Variants in BICRA observed in about 807,000 individuals in gnomAD.
BICRA encodes BRD4-interacting chromatin-remodeling complex-associated protein.
In BICRA, 31 loss-of-function variants were observed where a neutral mutation model predicts 96.9. The observed-to-expected ratio is 0.32, with a 90% CI of 0.24 to 0.43. BICRA has a LOEUF of 0.43. BICRA is among the 20% of genes least tolerant of loss of function. BICRA has a pLI of 1.00. For missense variants in BICRA, 2,283 were observed against 2,190.3 expected (o/e 1.04, Z -0.84); for synonymous variants, 1,350 against 1,071.8 (o/e 1.26, Z -5.07).
intron 5 of BICRA, among the ~76,000 whole-genome samples, chr19:47,676,624 C>G (rs1378313212): frequency 6.9e-6 from 1 of 145,894 alleles, no homozygotes; most frequent in Non-Finnish European, 1.5e-5. Context: ...CCCGCCTTCC[C>G]TCTTCATCAT....
At chr19:47,630,991 G>A (rs1972214043) in intron 1 of BICRA, among the ~76,000 whole-genome samples, 1 of 152,124 alleles carries the variant, frequency 6.6e-6, no homozygotes, top group Admixed American at 6.5e-5. Flanking sequence ...GTTGGGACTC[G>A]ACATATTTCA....
chr19:47,650,625 T>TG (rs1972527128), intron 1 of BICRA, among the ~76,000 whole-genome samples: 1 of 152,208 alleles, frequency 6.6e-6, no homozygotes, highest in Non-Finnish European at 1.5e-5. Context: ...TAAAAGGTGT[T>TG]GCTCTGAGAG....
In BICRA at chr19:47,698,904, T is replaced by C; in HGVS notation, c.3398-61T>C. 2 of 1,396,244 alleles carry C rather than the reference T, an allele frequency of 1.4e-6. No individual in the cohort carries two copies. Among genetic ancestry groups the C allele is most frequent in the South Asian group, 1.2e-5 (1 of 81,498 alleles). The allele number at this position is 1,396,244 out of a possible 1,614,324, so 86.5% of individuals were successfully genotyped here. A position where few individuals can be genotyped will look rare whatever the true frequency, so the allele number is the denominator to read the frequency against. ...TATGCTGACCCTGCCCCGCCCTCCT[T>C]CCTGCGCATCCGCGGCCGCCCCCAA... On this transcript the variant is annotated intron_variant, in intron 12 of 14. Coordinates refer to ENST00000594866, the MANE Select transcript of BICRA (RefSeq NM_001394372.1). This position sits in a 1 kb window ranked among gnomAD's most constrained non-coding sequence, Gnocchi z 4.8.
At chr19:47,649,102 C>T (rs777280658) in intron 1 of BICRA, among the ~76,000 whole-genome samples, 8 of 152,164 alleles carry the variant, frequency 5.3e-5, no homozygotes, top group Non-Finnish European at 1.0e-4. Context: ...CTGCCTGCCT[C>T]GGCATCCCAA....
chr19:47,639,489 A>C (rs11881441), intron 1 of BICRA, among the ~76,000 whole-genome samples: 110,504 of 151,392 alleles, frequency 0.73, 40,772 homozygotes, highest in African/African-American at 0.83. Context: ...ACTACACACC[A>C]GGCTAATTTT....
chr19:47,680,121 C>A lies in BICRA; in HGVS notation c.951C>A (p.Thr317=). ...GCGCGGGGGCCGCCTCGGCTCCCAC[C>A]GGGACGCCCTCGGGACAGCCGCTGG... ...FGGAGAASAP[T]GTPSGQPLAV... The change falls in exon 6 of 15, where the codon ACC becomes ACA. Residue 317 remains threonine (T), a synonymous_variant. Coordinates refer to ENST00000594866, the MANE Select transcript of BICRA (RefSeq NM_001394372.1). The A allele has an allele frequency of 6.5e-7, 1 of 1,532,202 alleles. No homozygotes were observed. The allele number at this position is 1,532,202 out of a possible 1,614,324, so 94.9% of individuals were successfully genotyped here.
At chr19:47,696,899 G>T (rs532117888) in intron 11 of BICRA, among the ~76,000 whole-genome samples, 34 of 152,064 alleles carry the variant, frequency 2.2e-4, no homozygotes, top group African/African-American at 7.5e-4. Context: ...GATGGGGGGG[G>T]TGTTTGGGGA....
chr19:47,638,874 C>T (rs761791762), intron 1 of BICRA, among the ~76,000 whole-genome samples: 5 of 152,042 alleles, frequency 3.3e-5, no homozygotes, highest in East Asian at 1.9e-4. Flanking sequence ...AGGCTGGTCT[C>T]GAACTCCTGA....
At chr19:47,655,660 C>T (rs998339000) in intron 1 of BICRA, among the ~76,000 whole-genome samples, 3 of 150,986 alleles carry the variant, frequency 2.0e-5, no homozygotes, top group African/African-American at 7.3e-5. Flanking sequence ...CGAGACCAGC[C>T]TGGCCAACAC....
rs538392136 is a variant in BICRA at position 47,684,287 on chromosome 19, A to G, written c.2283+2135A>G. ...AATCTCCACCTCCTGGGTTCAAGTG[A>G]TTCTCCTGCCTCAGCTTCTGGGTAG... On this transcript the variant is annotated intron_variant, in intron 7 of 14. Coordinates refer to ENST00000594866, the MANE Select transcript of BICRA (RefSeq NM_001394372.1). Among the ~76,000 whole-genome samples, 3 of 152,206 alleles carry G rather than the reference A, an allele frequency of 2.0e-5. No individual in the cohort carries two copies. The South Asian group carries it at 6.2e-4, about 32-fold the overall frequency.
Position 47,693,998 on chromosome 19 carries a change from T to C in BICRA, c.2284-117T>C, listed in dbSNP as rs1973281703. On this transcript the variant is annotated intron_variant, in intron 7 of 14. Transcript: ENST00000594866. ...GTGGGCTCCTCTCTCAGGATGGGTGTGGGCTAGGAAGGGGGCTTCTGGCGG... is the reference window on the plus strand; with the variant it reads ...GTGGGCTCCTCTCTCAGGATGGGTGCGGGCTAGGAAGGGGGCTTCTGGCGG... The C allele has an allele frequency of 5.6e-6, 7 of 1,246,336 alleles. No individual in the cohort carries two copies. In the South Asian group the frequency reaches 1.1e-4, roughly 20 times the overall value. The allele number at this position is 1,246,336 out of a possible 1,614,324, so 77.2% of individuals were successfully genotyped here.
At chr19:47,681,667 C>T (rs1176150793) in intron 6 of BICRA, among the ~76,000 whole-genome samples, 1 of 152,098 alleles carries the variant, frequency 6.6e-6, no homozygotes, top group African/African-American at 2.4e-5. Flanking sequence ...AGGGCAGGCA[C>T]TGGCTGGCCT....
chr19:47,692,268 C>G (rs554586929), intron 7 of BICRA, among the ~76,000 whole-genome samples: 1 of 151,982 alleles, frequency 6.6e-6, no homozygotes, highest in African/African-American at 2.4e-5. Context: ...ACTCTTGTGC[C>G]CAGGCTGGAG....
At chr19:47,659,859 C>T (rs1274192586) in intron 1 of BICRA, among the ~76,000 whole-genome samples, 2 of 152,126 alleles carry the variant, frequency 1.3e-5, no homozygotes, top group African/African-American at 4.8e-5. Flanking sequence ...AAGCAATCCT[C>T]ACACCTCAGC....
At chr19:47,693,684 C>G (rs1335800878) in intron 7 of BICRA, among the ~76,000 whole-genome samples, 3 of 152,188 alleles carry the variant, frequency 2.0e-5, no homozygotes, top group Non-Finnish European at 4.4e-5. Flanking sequence ...GCCCTCCTTC[C>G]CCGCTGCTGT....
rs1212808032 is a variant in BICRA, at chr19:47,660,977, ACGCG to A, written c.-107-9465_-107-9462del. On this transcript the variant is annotated intron_variant, in intron 1 of 14. Transcript: ENST00000594866. The stretch of plus-strand genomic sequence containing the variant: ...CTAATCCCAGCACTTTGGGAGGCTG[ACGCG>A]GGCAGATCACGAGGTCAAGAGATTG... Among the ~76,000 whole-genome samples, 1,080 of 152,222 alleles carry A rather than the reference ACGCG, an allele frequency of 7.1e-3. 20 individuals carry two copies. Among genetic ancestry groups the A allele is most frequent in the African/African-American group, 0.024 (1,007 of 41,536 alleles).
chr19:47,669,060 C>T (rs1020224403), intron 1 of BICRA, among the ~76,000 whole-genome samples: 2 of 151,846 alleles, frequency 1.3e-5, no homozygotes, highest in African/African-American at 4.8e-5. Context: ...GCCGAGATCG[C>T]ATCACTGCAC....
intron 1 of BICRA, among the ~76,000 whole-genome samples, chr19:47,654,703 A>G (rs1291908109): frequency 6.6e-6 from 1 of 151,920 alleles, no homozygotes; most frequent in Non-Finnish European, 1.5e-5. Flanking sequence ...CTGTAATCCC[A>G]GCACTTTGGG....
At chr19:47,659,868 G>T (rs1972679774) in intron 1 of BICRA, among the ~76,000 whole-genome samples, 1 of 152,054 alleles carries the variant, frequency 6.6e-6, no homozygotes, top group Non-Finnish European at 1.5e-5. Flanking sequence ...TCACACCTCA[G>T]CTTCCCAAGT....
Sources: gnomAD v4.1 joint callset for allele counts (sites outside exome capture counted in the v4.1 genomes callset) on GRCh38, gnomAD v4.1.1 for gene constraint, Gnocchi (gnomAD v3.1) non-coding constraint, MANE v1.5 for transcripts, NCBI Gene and HGNC (gene_info 2026-07-23, HGNC 2026-07-21) for gene names.